MTMR3: variants seen among roughly 807,000 people sequenced by gnomAD.
The protein encoded by MTMR3 is phosphatidylinositol-3,5-bisphosphate 3-phosphatase MTMR3.
A neutral mutation model predicts 132.4 loss-of-function variants in MTMR3; 32 were observed. That is an observed-to-expected ratio of 0.24 (90% CI 0.18 to 0.32). The LOEUF is 0.32. Among genes scored for constraint, MTMR3 ranks in the 10% least tolerant of loss-of-function variants. The pLI is 1.00. For missense variants in MTMR3, 1,216 were observed against 1,489.6 expected, an observed-to-expected ratio of 0.82 and a Z score of 3.02; for synonymous variants, 556 against 550.3, an observed-to-expected ratio of 1.01 and a Z score of -0.14.
intron 1 of MTMR3, among the ~76,000 whole-genome samples, chr22:29,892,038 A>G (rs1160358310): frequency 1.3e-5 from 2 of 151,936 alleles, no homozygotes; most frequent in Non-Finnish European, 2.9e-5. Flanking sequence ...CTGTAGTTCC[A>G]GCTACTTGGG....
chr22:29,956,804 C>T (rs1442858571), intron 1 of MTMR3, among the ~76,000 whole-genome samples: 1 of 152,094 alleles, frequency 6.6e-6, no homozygotes, highest in East Asian at 1.9e-4. Flanking sequence ...GCTCTGTTCT[C>T]TACAGTTCTG....
At chr22:30,024,947 C>G (rs2067872988) in intron 19 of MTMR3, 1 of 152,568 alleles carries the variant, frequency 6.6e-6, no homozygotes, top group Non-Finnish European at 1.5e-5. Flanking sequence ...CCTGGAGATG[C>G]ATGGGTCGGG....
intron 1 of MTMR3, among the ~76,000 whole-genome samples, chr22:29,945,225 G>A (rs985223158): frequency 2.6e-5 from 4 of 152,088 alleles, no homozygotes; most frequent in African/African-American, 7.2e-5. Context: ...GGCTGGTCTC[G>A]AACTCCTAGG....
chr22:29,991,841 G>C, intron 7 of MTMR3, 171 bp downstream of exon 7: 1 of 612,396 alleles, frequency 1.6e-6, no homozygotes, highest in Non-Finnish European at 2.5e-6. Flanking sequence ...CATCTTTTCT[G>C]CCTTCCGGGG....
At chr22:29,912,832 T>G (rs937395639) in intron 1 of MTMR3, among the ~76,000 whole-genome samples, 4 of 152,196 alleles carry the variant, frequency 2.6e-5, no homozygotes, top group African/African-American at 9.7e-5. Context: ...ATTTGAGATG[T>G]CTGTGCTACA....
chr22:29,907,639 C>G (rs572037308), intron 1 of MTMR3, among the ~76,000 whole-genome samples: 1 of 152,240 alleles, frequency 6.6e-6, no homozygotes, highest in Non-Finnish European at 1.5e-5. Flanking sequence ...AAAATCTACT[C>G]AAAGAAAATT....
chr22:29,916,825 T>A (rs1036799050), intron 1 of MTMR3, among the ~76,000 whole-genome samples: 1 of 152,216 alleles, frequency 6.6e-6, no homozygotes, highest in Non-Finnish European at 1.5e-5. Flanking sequence ...GGATTTTGTG[T>A]AAATAAATAA....
At chr22:29,904,097 T>C (rs2065051157) in intron 1 of MTMR3, among the ~76,000 whole-genome samples, 1 of 152,206 alleles carries the variant, frequency 6.6e-6, no homozygotes, top group Non-Finnish European at 1.5e-5. Flanking sequence ...CTCTTTACTT[T>C]AACTGAGACA....
chr22:29,883,635 C>T (rs1252586176), intron 1 of MTMR3, among the ~76,000 whole-genome samples: 1 of 152,140 alleles, frequency 6.6e-6, no homozygotes, highest in East Asian at 1.9e-4. Context: ...CGGGCTCGGG[C>T]TGCCTTCCCA....
intron 10 of MTMR3, 136 bp from the exon 11 acceptor site, chr22:30,007,765 G>A: frequency 9.9e-7 from 1 of 1,008,716 alleles, no homozygotes; most frequent in South Asian, 1.8e-5. Flanking sequence ...AAAATCCTAT[G>A]TATCAAGGGT....
At chr22:29,962,344 A>T (rs776977841) in intron 2 of MTMR3, among the ~76,000 whole-genome samples, 3 of 152,192 alleles carry the variant, frequency 2.0e-5, no homozygotes, top group Non-Finnish European at 4.4e-5. Context: ...AGCCATCACC[A>T]CAGTCCATTT....
chr22:29,988,627 A>G (rs570476072), intron 6 of MTMR3, 65 bp downstream of exon 6: 1 of 1,228,492 alleles, frequency 8.1e-7, no homozygotes, highest in Non-Finnish European at 1.2e-6. Flanking sequence ...GAATGGGTCC[A>G]TTATTTGGTA....
chr22:29,948,959 A>G (rs1249397311), intron 1 of MTMR3, among the ~76,000 whole-genome samples: 5 of 151,936 alleles, frequency 3.3e-5, no homozygotes, highest in African/African-American at 1.2e-4. Flanking sequence ...TGAGCCGGGC[A>G]TGGTGGCATG....
At chr22:29,906,173 A>G (rs567072406) in intron 1 of MTMR3, among the ~76,000 whole-genome samples, 285 of 152,252 alleles carry the variant, frequency 1.9e-3, no homozygotes, top group Non-Finnish European at 3.1e-3. Context: ...AGTTCATAGG[A>G]AAAACTTTGG....
intron 5 of MTMR3, chr22:29,979,973 T>C (rs1399977901): frequency 6.6e-6 from 1 of 152,236 alleles, no homozygotes. Flanking sequence ...TCATTAGCCT[T>C]AAATGAAACG....
intron 1 of MTMR3, among the ~76,000 whole-genome samples, chr22:29,892,241 A>C (rs548560538): frequency 6.6e-6 from 1 of 152,146 alleles, no homozygotes; most frequent in Admixed American, 6.5e-5. Context: ...TACTTTTTGC[A>C]TTGTTGAGGT....
At chr22:29,894,282 G>A (rs2064852355) in intron 1 of MTMR3, among the ~76,000 whole-genome samples, 1 of 152,182 alleles carries the variant, frequency 6.6e-6, no homozygotes, top group South Asian at 2.1e-4. Flanking sequence ...TAGTATGGGA[G>A]GAGTGGGGCA....
chr22:29,958,544 G>A (rs1484978655), intron 2 of MTMR3, among the ~76,000 whole-genome samples: 2 of 151,898 alleles, frequency 1.3e-5, no homozygotes, highest in African/African-American at 2.4e-5. Flanking sequence ...TTACTCTGCC[G>A]CCATGCCATT....
intron 19 of MTMR3, chr22:30,023,745 TGTCTTCTG>T (rs1202349682): frequency 2.0e-6 from 1 of 494,638 alleles, no homozygotes; most frequent in Non-Finnish European, 3.6e-6. Context: ...TAGTGCTTCT[TGTCTTCTG>T]GTCTTGTAGG....
Sources: gnomAD v4.1 joint callset for allele counts (sites outside exome capture counted in the v4.1 genomes callset) on GRCh38, gnomAD v4.1.1 for gene constraint, MANE v1.5 for transcripts, NCBI Gene and HGNC (gene_info 2026-07-23, HGNC 2026-07-21) for gene names.